Variants in AFG1L observed in about 807,000 individuals in gnomAD.
AFG1L encodes AFG1 like ATPase.
Under a neutral mutation model 62.2 loss-of-function variants are expected in AFG1L, and 53 were observed. The ratio of observed to expected loss-of-function variants is 0.85; its 90% CI spans 0.68 to 1.07. The LOEUF (loss-of-function observed/expected upper bound fraction) is 1.07, where lower values mean the gene tolerates loss of function less well. AFG1L is among the 50% of genes least tolerant of loss of function. AFG1L has a pLI of 0.00. For synonymous variants in AFG1L, 228 were observed against 210.3 expected (o/e 1.08, Z -0.73); for missense variants, 555 against 590.5 (o/e 0.94, Z 0.62).
chr6:108,339,943 A>G (rs1000028183), intron 2 of AFG1L, among the ~76,000 whole-genome samples: 2 of 152,118 alleles, frequency 1.3e-5, no homozygotes, highest in South Asian at 2.1e-4. Context: ...AAAATCTACA[A>G]TTATTGACTA....
At chr6:108,516,784 G>A (rs1325172193) in intron 11 of AFG1L, among the ~76,000 whole-genome samples, 5 of 152,188 alleles carry the variant, frequency 3.3e-5, no homozygotes, top group South Asian at 2.1e-4. Context: ...TCCTTAAGCC[G>A]ATAAGCAACT....
At chr6:108,356,189 G>T (rs1039400787) in intron 4 of AFG1L, among the ~76,000 whole-genome samples, 5 of 152,292 alleles carry the variant, frequency 3.3e-5, no homozygotes, top group African/African-American at 1.2e-4. Flanking sequence ...CAGCTGCACT[G>T]TAACCTCCCC....
At chr6:108,336,385 T>TG (rs1355903122) in intron 2 of AFG1L, among the ~76,000 whole-genome samples, 4 of 152,186 alleles carry the variant, frequency 2.6e-5, no homozygotes, top group African/African-American at 9.7e-5. Flanking sequence ...ATTGTCCTAG[T>TG]GGAAATGATG....
intron 8 of AFG1L, among the ~76,000 whole-genome samples, chr6:108,467,049 T>C (rs1772703833): frequency 6.6e-6 from 1 of 152,052 alleles, no homozygotes; most frequent in Non-Finnish European, 1.5e-5. Flanking sequence ...AATATGTACT[T>C]ATGCCCAGCT....
intron 5 of AFG1L, among the ~76,000 whole-genome samples, chr6:108,365,525 G>A (rs1554189037): frequency 7.7e-6 from 1 of 130,330 alleles, no homozygotes; most frequent in Non-Finnish European, 1.6e-5. Context: ...GAATATTTGT[G>A]TTTGTGAAGG....
chr6:108,375,411 A>AGG (rs1430981634), intron 6 of AFG1L, among the ~76,000 whole-genome samples: 3 of 152,114 alleles, frequency 2.0e-5, no homozygotes, highest in African/African-American at 7.2e-5. Flanking sequence ...CAGTTCTCAA[A>AGG]GGGAATGCTT....
chr6:108,298,415 G>A (rs1294828755), intron 1 of AFG1L, among the ~76,000 whole-genome samples: 2 of 151,762 alleles, frequency 1.3e-5, no homozygotes, highest in African/African-American at 2.4e-5. Context: ...ACAGGCGCCC[G>A]CCACCACACC....
intron 7 of AFG1L, among the ~76,000 whole-genome samples, chr6:108,445,668 G>GAGAGAGAGAA (rs1562166240): frequency 9.5e-6 from 1 of 105,654 alleles, no homozygotes; most frequent in Non-Finnish European, 2.1e-5. Flanking sequence ...GAGAGAGAGA[G>GAGAGAGAGAA]AGAGAGAGAG....
At position 108,377,147 on chromosome 6, in the gene AFG1L, T is replaced by G. The variant is rs117695864; in HGVS notation, c.748+10815T>G. Reference sequence around the variant, plus strand: ...TGGAGCGTATGGGTGTCATTACATGTGAGATGCGTCTCTTGAAGACAACAG... The same window carrying G: ...TGGAGCGTATGGGTGTCATTACATGGGAGATGCGTCTCTTGAAGACAACAG... On this transcript the variant is annotated intron_variant, in intron 6 of 12. Transcript: ENST00000368977. 5.8e-4 allele frequency among the ~76,000 whole-genome samples: 88 copies of G among 152,258 alleles called. 2 individuals are homozygous for G. The East Asian group carries it at 0.016, about 28-fold the overall frequency.
intron 6 of AFG1L, among the ~76,000 whole-genome samples, chr6:108,392,853 A>T (rs1781117921): frequency 6.6e-6 from 1 of 152,100 alleles, no homozygotes; most frequent in Admixed American, 6.5e-5. Flanking sequence ...CTCTAAATCG[A>T]TATGTATATA....
intron 12 of AFG1L, chr6:108,521,742 C>T (rs1775133049): frequency 6.6e-6 from 1 of 152,360 alleles, no homozygotes; most frequent in Non-Finnish European, 1.5e-5. Context: ...GGTTACCAGC[C>T]TCACAGAGAC....
chr6:108,301,637 C>T (rs938405472), intron 1 of AFG1L, among the ~76,000 whole-genome samples: 2 of 152,192 alleles, frequency 1.3e-5, no homozygotes, highest in East Asian at 3.8e-4. Context: ...GTAAGCTTAT[C>T]CTGCATTCCT....
intron 12 of AFG1L, chr6:108,520,465 T>G (rs1266408562): frequency 6.6e-6 from 1 of 152,228 alleles, no homozygotes; most frequent in Non-Finnish European, 1.5e-5. Context: ...TTGCGTTTTC[T>G]TCTTCTATAA....
intron 7 of AFG1L, among the ~76,000 whole-genome samples, chr6:108,420,101 G>A (rs1420667608): frequency 6.6e-6 from 1 of 152,146 alleles, no homozygotes; most frequent in East Asian, 1.9e-4. Context: ...GTCAGTGTCA[G>A]TCAGCCTCTA....
At chr6:108,316,316 G>A (rs1777593707) in intron 1 of AFG1L, among the ~76,000 whole-genome samples, 1 of 126,688 alleles carries the variant, frequency 7.9e-6, no homozygotes, top group African/African-American at 3.0e-5. Context: ...GGGAGGCGGA[G>A]CTTGCAGTGA....
rs1232378218 is a variant in AFG1L at position 108,474,273 on chromosome 6, C to T, written c.891-2592C>T. On this transcript the variant is annotated intron_variant, in intron 8 of 12. Transcript: ENST00000368977. ...GTCTATGTGTACACATTTTCTTTAT[C>T]CAGTCCATCATTGATAGGCATTGGG... 2.0e-5 allele frequency among the ~76,000 whole-genome samples: 3 copies of T among 152,262 alleles called. No individual in the cohort carries two copies. The East Asian group carries it at 5.8e-4, about 29-fold the overall frequency.
intron 5 of AFG1L, among the ~76,000 whole-genome samples, chr6:108,363,545 G>A (rs1284405903): frequency 6.6e-6 from 1 of 151,852 alleles, no homozygotes; most frequent in Non-Finnish European, 1.5e-5. Flanking sequence ...GTTTTCCTTA[G>A]GATCTTCATT....
intron 7 of AFG1L, among the ~76,000 whole-genome samples, chr6:108,415,658 C>G (rs1412415068): frequency 1.3e-5 from 2 of 152,124 alleles, no homozygotes; most frequent in Non-Finnish European, 2.9e-5. Context: ...CTGACAAAAA[C>G]AAGAAATGGG....
chr6:108,449,022 C>A (rs1175407784), intron 8 of AFG1L, among the ~76,000 whole-genome samples: 1 of 151,892 alleles, frequency 6.6e-6, no homozygotes, highest in Non-Finnish European at 1.5e-5. Context: ...GTGGCACCTG[C>A]CTGTAGTCCC....
Sources: gnomAD v4.1 joint callset for allele counts (sites outside exome capture counted in the v4.1 genomes callset) on GRCh38, gnomAD v4.1.1 for gene constraint, MANE v1.5 for transcripts, NCBI Gene and HGNC (gene_info 2026-07-23, HGNC 2026-07-21) for gene names.